The following CACNG6 variants were observed in gnomAD, a reference collection of about 807,000 sequenced individuals.
The protein encoded by CACNG6 is calcium voltage-gated channel auxiliary subunit gamma 6.
Under a neutral mutation model 23.9 loss-of-function variants are expected in CACNG6, and 21 were observed. That is an observed-to-expected ratio of 0.88 (90% CI 0.62 to 1.26). The LOEUF is 1.26. Among genes scored for constraint, CACNG6 ranks in the 50% most tolerant of loss-of-function variants. The pLI, the probability that CACNG6 is intolerant of heterozygous loss-of-function variation, is 0.00. For missense variants in CACNG6, 340 were observed against 352.9 expected, an observed-to-expected ratio of 0.96 and a Z score of 0.29; for synonymous variants, 182 against 168.9, an observed-to-expected ratio of 1.08 and a Z score of -0.60.
intron 3 of CACNG6, among the ~76,000 whole-genome samples, chr19:54,005,594 G>A (rs542575750): frequency 2.0e-5 from 3 of 151,116 alleles, no homozygotes; most frequent in Non-Finnish European, 4.4e-5. Flanking sequence ...TTTTTACTAA[G>A]ATATAAAAAA....
chr19:54,005,249 ATAATAAT>A (rs1193233913), intron 3 of CACNG6, among the ~76,000 whole-genome samples: 3 of 110,162 alleles, frequency 2.7e-5, no homozygotes, highest in East Asian at 2.6e-4. Flanking sequence ...AAATAAATAA[ATAATAAT>A]AAAAGAAAGA....
At chr19:53,993,318 G>A (rs2069485944) in intron 1 of CACNG6, 110 bp downstream of exon 1, 1 of 1,152,420 alleles carries the variant, frequency 8.7e-7, no homozygotes, top group South Asian at 1.6e-5. Flanking sequence ...TGAGCCCGGA[G>A]GAGACAGCTT....
intron 3 of CACNG6, among the ~76,000 whole-genome samples, chr19:54,003,771 A>G (rs762553158): frequency 3.0e-4 from 46 of 152,216 alleles, no homozygotes; most frequent in African/African-American, 5.5e-4. Context: ...GGTAATTTCT[A>G]TGGCCTCCTA....
At chr19:53,991,460 G>T (rs1011784855), upstream of CACNG6, among the ~76,000 whole-genome samples, 44 of 152,118 alleles carry the variant, frequency 2.9e-4, no homozygotes, top group Middle Eastern at 3.4e-3. Context: ...TTCCTCCCCG[G>T]GCGGCCTCCC....
At chr19:54,001,475 C>T (rs2069575219) in intron 3 of CACNG6, among the ~76,000 whole-genome samples, 1 of 152,174 alleles carries the variant, frequency 6.6e-6, no homozygotes, top group South Asian at 2.1e-4. Flanking sequence ...AGGCGTGAGC[C>T]ACCGCGCCCG....
At chr19:54,004,625 C>T (rs548804685) in intron 3 of CACNG6, among the ~76,000 whole-genome samples, 1 of 152,252 alleles carries the variant, frequency 6.6e-6, no homozygotes, top group African/African-American at 2.4e-5. Context: ...CTCGCGCGGG[C>T]TGACTCCCGG....
At chr19:53,993,958 A>T (rs548240364) in intron 1 of CACNG6, among the ~76,000 whole-genome samples, 1 of 151,990 alleles carries the variant, frequency 6.6e-6, no homozygotes, top group Non-Finnish European at 1.5e-5. Flanking sequence ...CCAGCCTGTG[A>T]TTCCAGACAC....
intron 3 of CACNG6, among the ~76,000 whole-genome samples, chr19:54,003,423 C>A (rs757408283): frequency 3.9e-4 from 59 of 152,148 alleles, no homozygotes; most frequent in Non-Finnish European, 5.4e-4. Context: ...TGCAGCGGTG[C>A]GATCTCGGCT....
In CACNG6 at chr19:54,012,148, T is replaced by TG; in HGVS notation, c.747dup (p.Ser250ValfsTer20). On this transcript the variant is annotated frameshift_variant, in exon 4 of 4. Coordinates refer to ENST00000252729, the MANE Select transcript of CACNG6 (RefSeq NM_145814.2). LOFTEE classifies it high-confidence loss of function. ...GCTGCTCACACTGCCTTCCTGGCCC[T>TG]GGGGGTCCCTCTGTCCCAAGCGGGG... is the stretch of plus-strand genomic sequence containing the variant. 1 of 1,517,120 alleles carries TG rather than the reference T, an allele frequency of 6.6e-7. No individual in the cohort carries two copies. The highest frequency in any genetic ancestry group is 1.3e-5 in the South Asian group (1 of 78,694). The allele number at this position is 1,517,120 out of a possible 1,614,324, so 94.0% of individuals were successfully genotyped here.
chr19:53,997,661 C>T lies in CACNG6; in HGVS notation c.332-578C>T, dbSNP rs543707215. Among the ~76,000 whole-genome samples, 3 of 152,280 alleles carry T rather than the reference C, an allele frequency of 2.0e-5. No individual in the cohort carries two copies. In the East Asian group the frequency reaches 5.8e-4, roughly 29 times the overall value. On this transcript the variant is annotated intron_variant, in intron 1 of 3. Coordinates refer to ENST00000252729, the MANE Select transcript of CACNG6 (RefSeq NM_145814.2). ...GATTCCGGCTGCCTCTCTCTGATCC[C>T]TGGTGAAGTGGGGCATCTCTCCATG...
chr19:54,002,080 T>C (rs865821352), intron 3 of CACNG6, among the ~76,000 whole-genome samples: 4 of 151,698 alleles, frequency 2.6e-5, no homozygotes, highest in Non-Finnish European at 5.9e-5. Context: ...TGTCTCTTTC[T>C]ATCTCTCTCT....
At chr19:54,003,194 C>T (rs2069597863) in intron 3 of CACNG6, among the ~76,000 whole-genome samples, 1 of 151,946 alleles carries the variant, frequency 6.6e-6, no homozygotes, top group Non-Finnish European at 1.5e-5. Flanking sequence ...AAGACAGGCT[C>T]AGGGAGGGGG....
intron 3 of CACNG6, among the ~76,000 whole-genome samples, chr19:54,009,556 C>A (rs1313989671): frequency 6.6e-6 from 1 of 152,010 alleles, no homozygotes; most frequent in African/African-American, 2.4e-5. Context: ...GCGGAAGCTG[C>A]AATGAGCTGA....
chr19:54,012,424 A>C lies in CACNG6; in HGVS notation c.*235A>C. 1.8e-5 allele frequency: 3 copies of C among 168,938 alleles called. No homozygotes were observed. Among genetic ancestry groups the C allele is most frequent in the Non-Finnish European group, 1.2e-5 (1 of 83,384 alleles). The allele number at this position is 168,938 out of a possible 1,614,324, so 10.5% of individuals were successfully genotyped here. A position where few individuals can be genotyped will look rare whatever the true frequency, so the allele number is the denominator to read the frequency against. Reference sequence around the variant, plus strand: ...TGGGATGGGAAGAGGCTCTTTGCAAACGAGGGTCCCCAGAGAAGACTGGCG... The same window carrying C: ...TGGGATGGGAAGAGGCTCTTTGCAACCGAGGGTCCCCAGAGAAGACTGGCG... On this transcript the variant is annotated 3_prime_UTR_variant, in exon 4 of 4. Transcript: ENST00000252729.
chr19:54,011,641 C>T (rs1002601788), intron 3 of CACNG6, among the ~76,000 whole-genome samples: 10 of 151,940 alleles, frequency 6.6e-5, no homozygotes, highest in Non-Finnish European at 1.5e-4. Flanking sequence ...ACCTTCAGAA[C>T]GATTTGCGTC....
chr19:53,996,863 ATTTT>A (rs35192974), intron 1 of CACNG6, among the ~76,000 whole-genome samples: 2 of 98,558 alleles, frequency 2.0e-5, no homozygotes, highest in South Asian at 3.2e-4. Flanking sequence ...GATCTTTGGG[ATTTT>A]TTTTTTTTTT....
At chr19:54,004,329 GTA>G (rs1194216928) in intron 3 of CACNG6, among the ~76,000 whole-genome samples, 5 of 117,000 alleles carry the variant, frequency 4.3e-5, no homozygotes, top group African/African-American at 2.1e-4. Flanking sequence ...GGTTAATTTT[GTA>G]TTTTTGTGTG....
chr19:53,993,845 C>T (rs2069494261), intron 1 of CACNG6, among the ~76,000 whole-genome samples: 2 of 151,872 alleles, frequency 1.3e-5, no homozygotes. Flanking sequence ...GTCCCTGCCC[C>T]CACACAGCCA....
chr19:53,993,621 A>G (rs535361142), intron 1 of CACNG6, among the ~76,000 whole-genome samples: 2 of 147,670 alleles, frequency 1.4e-5, no homozygotes, highest in South Asian at 2.1e-4. Flanking sequence ...CCCCGCCTAC[A>G]GCCTGTGCCC....
Sources: allele counts gnomAD v4.1 joint callset (sites outside exome capture counted in the v4.1 genomes callset), GRCh38; gene constraint gnomAD v4.1.1; transcripts MANE v1.5; gene names NCBI Gene and HGNC (gene_info 2026-07-23, HGNC 2026-07-21).